FGF10: variants seen among roughly 807,000 people sequenced by gnomAD.
FGF10 encodes FGF-10.
A neutral mutation model predicts 19.8 loss-of-function variants in FGF10; 2 were observed. The ratio of observed to expected loss-of-function variants is 0.10; its 90% CI spans 0.04 to 0.32. The LOEUF (loss-of-function observed/expected upper bound fraction) is 0.32, where lower values mean the gene tolerates loss of function less well. Among genes scored for constraint, FGF10 ranks in the 10% least tolerant of loss-of-function variants. The pLI, the probability that FGF10 is intolerant of heterozygous loss-of-function variation, is 1.00. For missense variants in FGF10, 191 were observed against 246.3 expected (o/e 0.78, Z 1.50); for synonymous variants, 112 against 94.0 (o/e 1.19, Z -1.10).
chr5:44,333,746 A>G (rs1740788147), intron 1 of FGF10, among the ~76,000 whole-genome samples: 1 of 152,140 alleles, frequency 6.6e-6, no homozygotes, highest in Admixed American at 6.6e-5. Flanking sequence ...TCTGTGTTCC[A>G]TATTTTCAAC....
chr5:44,322,742 C>A (rs2111732223), intron 1 of FGF10, among the ~76,000 whole-genome samples: 1 of 151,506 alleles, frequency 6.6e-6, no homozygotes, highest in South Asian at 2.1e-4. Flanking sequence ...GCAGTGACAG[C>A]AACCAAAATG....
intron 1 of FGF10, among the ~76,000 whole-genome samples, chr5:44,340,709 A>G (rs1229269112): frequency 6.6e-6 from 1 of 152,060 alleles, no homozygotes; most frequent in Non-Finnish European, 1.5e-5. Flanking sequence ...CTGGTGGAAT[A>G]ACTTTCTTGA....
At chr5:44,341,495 A>T (rs1053788028) in intron 1 of FGF10, among the ~76,000 whole-genome samples, 4 of 117,272 alleles carry the variant, frequency 3.4e-5, no homozygotes, top group African/African-American at 2.4e-4. Flanking sequence ...CCTTGTTATT[A>T]AAAAAAAAAC....
chr5:44,318,475 T>C (rs1295038184), intron 1 of FGF10, among the ~76,000 whole-genome samples: 5 of 152,158 alleles, frequency 3.3e-5, no homozygotes, highest in African/African-American at 1.2e-4. Context: ...CATCCCACTT[T>C]TGTCTCTATT....
intron 2 of FGF10, among the ~76,000 whole-genome samples, chr5:44,308,578 A>G (rs1438764667): frequency 2.0e-5 from 3 of 152,116 alleles, no homozygotes; most frequent in Non-Finnish European, 4.4e-5. Flanking sequence ...AAAAGAGATT[A>G]TGATGTGAAC....
chr5:44,382,801 GTAAAA>G (rs1742012619), intron 1 of FGF10, among the ~76,000 whole-genome samples: 1 of 151,944 alleles, frequency 6.6e-6, no homozygotes, highest in South Asian at 2.1e-4. Flanking sequence ...CCATCTTACT[GTAAAA>G]TAAAATAGAT....
rs1740046227 is a variant in FGF10 at position 44,305,106 on chromosome 5, A to G, written c.516T>C (p.Asn172=). The change falls in exon 3 of 3, where the codon AAT becomes AAC. Residue 172 remains asparagine, a synonymous_variant. Coordinates refer to ENST00000264664, the MANE Select transcript of FGF10 (RefSeq NM_004465.2). The part of the protein sequence containing the change: ...NTYASFNWQH[N]GRQMYVALNG... Reference sequence around the variant, plus strand: ...TCAATGCCACATACATTTGCCTCCCATTATGCTGCCAGTTAAATGATGCAT... The same window carrying G: ...TCAATGCCACATACATTTGCCTCCCGTTATGCTGCCAGTTAAATGATGCAT... The G allele has an allele frequency of 6.2e-7, 1 of 1,613,948 alleles. No individual in the cohort carries two copies.
At chr5:44,307,009 A>C (rs1740092048) in intron 2 of FGF10, among the ~76,000 whole-genome samples, 1 of 152,206 alleles carries the variant, frequency 6.6e-6, no homozygotes, top group Non-Finnish European at 1.5e-5. Context: ...CATTTCAATC[A>C]ATAAATGGGG....
At chr5:44,334,425 A>T (rs1248358942) in intron 1 of FGF10, among the ~76,000 whole-genome samples, 4 of 152,156 alleles carry the variant, frequency 2.6e-5, no homozygotes, top group Non-Finnish European at 5.9e-5. Flanking sequence ...GGTCACTTAA[A>T]AAAAGAAATG....
intron 1 of FGF10, among the ~76,000 whole-genome samples, chr5:44,342,938 T>A (rs116191041): frequency 0.012 from 1,790 of 152,034 alleles, 13 homozygotes; most frequent in Non-Finnish European, 0.015. Flanking sequence ...TTTGGTAGGA[T>A]CTCATTAGTT....
Position 44,302,317 on chromosome 5 carries a change from TCC to T in FGF10, c.*2676_*2677del, listed in dbSNP as rs1739984384. On this transcript the variant is annotated 3_prime_UTR_variant, in exon 3 of 3. Coordinates refer to ENST00000264664, the MANE Select transcript of FGF10 (RefSeq NM_004465.2). ...TTCCTTCCTTCCTTCCTTCCTTCCT[TCC>T]TTCCTTCCTTCCTGTCTTTCTGTCT... 1.4e-5 allele frequency among the ~76,000 whole-genome samples: 2 copies of T among 145,812 alleles called. No homozygotes were observed. The highest frequency in any genetic ancestry group is 3.0e-5 in the Non-Finnish European group (2 of 65,834).
chr5:44,327,964 G>A (rs1740649786), intron 1 of FGF10, among the ~76,000 whole-genome samples: 1 of 152,186 alleles, frequency 6.6e-6, no homozygotes, highest in African/African-American at 2.4e-5. Context: ...AGTTAAGATT[G>A]ATTTTCAAAA....
chr5:44,348,921 T>C (rs376927899), intron 1 of FGF10, among the ~76,000 whole-genome samples: 1 of 151,496 alleles, frequency 6.6e-6, no homozygotes. Context: ...ACTACAATTC[T>C]GATTTCATTT....
intron 1 of FGF10, among the ~76,000 whole-genome samples, chr5:44,359,856 C>T (rs1239793947): frequency 6.6e-6 from 1 of 151,420 alleles, no homozygotes; most frequent in African/African-American, 2.4e-5. Context: ...ACCCCCTAAC[C>T]CTTCCAAGTC....
In FGF10 at chr5:44,304,957, G is replaced by A. The variant is rs1404456866; in HGVS notation, c.*38C>T. The A allele has an allele frequency of 6.3e-7, 1 of 1,576,386 alleles. No homozygotes were observed. The highest frequency in any genetic ancestry group is 1.7e-5 in the Admixed American group (1 of 59,970). On this transcript the variant is annotated 3_prime_UTR_variant, in exon 3 of 3. Coordinates refer to ENST00000264664, the MANE Select transcript of FGF10 (RefSeq NM_004465.2). ...AATATCCACTATTCTTGGCAAAAGAGCCATTGGTTCTACTGCATCCACAAA... is the reference window on the plus strand; with the variant it reads ...AATATCCACTATTCTTGGCAAAAGAACCATTGGTTCTACTGCATCCACAAA...
intron 1 of FGF10, among the ~76,000 whole-genome samples, chr5:44,343,305 C>G (rs939054458): frequency 1.3e-5 from 2 of 151,958 alleles, no homozygotes; most frequent in African/African-American, 4.8e-5. Flanking sequence ...TCCCTTAAGT[C>G]TAAAGATCCT....
chr5:44,357,977 G>A (rs977593813), intron 1 of FGF10, among the ~76,000 whole-genome samples: 2 of 151,374 alleles, frequency 1.3e-5, no homozygotes, highest in African/African-American at 2.4e-5. Flanking sequence ...GCCAGGTAAA[G>A]TAGAAATCGT....
At chr5:44,316,813 T>C (rs554866673) in intron 1 of FGF10, among the ~76,000 whole-genome samples, 98 of 152,362 alleles carry the variant, frequency 6.4e-4, no homozygotes, top group African/African-American at 2.3e-3. Context: ...TACTGCATTG[T>C]TGTTGATAGT....
chr5:44,331,932 T>C (rs1004704390), intron 1 of FGF10, among the ~76,000 whole-genome samples: 1 of 151,866 alleles, frequency 6.6e-6, no homozygotes, highest in South Asian at 2.1e-4. Context: ...GATGGAGACA[T>C]GCAAGCTGTG....
Sources: gnomAD v4.1 joint callset for allele counts (sites outside exome capture counted in the v4.1 genomes callset) on GRCh38, gnomAD v4.1.1 for gene constraint, MANE v1.5 for transcripts, NCBI Gene and HGNC (gene_info 2026-07-23, HGNC 2026-07-21) for gene names.